Variants in ZCWPW2 observed in about 807,000 individuals in gnomAD.
The protein encoded by ZCWPW2 is zinc finger CW-type and PWWP domain containing 2, also known as zinc finger CW-type PWWP domain protein 2.
In ZCWPW2, 45 loss-of-function variants were observed where a neutral mutation model predicts 46.6. The ratio of observed to expected loss-of-function variants is 0.96; its 90% CI spans 0.76 to 1.24. The LOEUF (loss-of-function observed/expected upper bound fraction) is 1.24, where lower values mean the gene tolerates loss of function less well. Among genes scored for constraint, ZCWPW2 ranks in the 50% most tolerant of loss-of-function variants. The pLI is 0.00. For missense variants in ZCWPW2, 429 were observed against 403.9 expected, an observed-to-expected ratio of 1.06 and a Z score of -0.53; for synonymous variants, 152 against 137.1, an observed-to-expected ratio of 1.11 and a Z score of -0.76.
rs1175592204 is a variant in ZCWPW2, at chr3:28,525,917, A to T, written c.*1229A>T. Among the ~76,000 whole-genome samples the T allele has an allele frequency of 6.6e-6, 1 of 152,140 alleles. No individual in the cohort carries two copies. The highest frequency in any genetic ancestry group is 1.5e-5 in the Non-Finnish European group (1 of 68,016). On this transcript the variant is annotated 3_prime_UTR_variant, in exon 10 of 10. Transcript: ENST00000383768. ...TAAAGCCTATCTGGGTTCATATTTT[A>T]CATACTAGCTTGTCTTAAGTCATAT... is the stretch of plus-strand genomic sequence containing the variant.
chr3:28,359,698 C>T (rs1188432648), intron 1 of ZCWPW2, among the ~76,000 whole-genome samples: 3 of 151,906 alleles, frequency 2.0e-5, no homozygotes, highest in Admixed American at 1.3e-4. Flanking sequence ...AAAACTATAG[C>T]GCAATCAGGA....
chr3:28,373,211 G>GT (rs1415980483), intron 1 of ZCWPW2, among the ~76,000 whole-genome samples: 1 of 152,098 alleles, frequency 6.6e-6, no homozygotes, highest in South Asian at 2.1e-4. Context: ...GTAGTCTTTA[G>GT]TTTTTTGGAG....
Position 28,449,740 on chromosome 3 carries a change from G to A in ZCWPW2, c.492+14471G>A, listed in dbSNP as rs149209032. Among the ~76,000 whole-genome samples, 10 of 152,200 alleles carry A rather than the reference G, an allele frequency of 6.6e-5. No homozygotes were observed. The East Asian group carries it at 1.7e-3, about 26-fold the overall frequency. ...TGTTTTCAGTATTTATATTACTCTA[G>A]TAATTACTCATAGAAATAACCATGA... On this transcript the variant is annotated intron_variant, in intron 4 of 9. Transcript: ENST00000383768.
chr3:28,364,493 G>C (rs926174779), intron 1 of ZCWPW2, among the ~76,000 whole-genome samples: 1 of 151,964 alleles, frequency 6.6e-6, no homozygotes, highest in Non-Finnish European at 1.5e-5. Context: ...GGGATTGCTG[G>C]ATCAAATGGT....
intron 4 of ZCWPW2, among the ~76,000 whole-genome samples, chr3:28,453,837 A>AT (rs1235044218): frequency 2.9e-5 from 4 of 138,806 alleles, no homozygotes; most frequent in African/African-American, 6.0e-5. Context: ...ATTTATTTTT[A>AT]TTTTTTTTAT....
intron 3 of ZCWPW2, among the ~76,000 whole-genome samples, chr3:28,423,710 T>C (rs1312374072): frequency 6.6e-6 from 1 of 152,040 alleles, no homozygotes; most frequent in African/African-American, 2.4e-5. Flanking sequence ...GTTTGCTTCA[T>C]AGGGCCCACA....
At chr3:28,464,317 A>G (rs2125790855) in intron 4 of ZCWPW2, among the ~76,000 whole-genome samples, 1 of 152,208 alleles carries the variant, frequency 6.6e-6, no homozygotes, top group Non-Finnish European at 1.5e-5. Context: ...GGGAAGAGCC[A>G]GGGGTCAGTT....
chr3:28,444,888 A>G (rs1440298208), intron 4 of ZCWPW2, among the ~76,000 whole-genome samples: 4 of 152,138 alleles, frequency 2.6e-5, no homozygotes, highest in Non-Finnish European at 5.9e-5. Flanking sequence ...CTTGCCTCAC[A>G]TGGGCAGTGA....
intron 5 of ZCWPW2, among the ~76,000 whole-genome samples, chr3:28,487,796 A>G (rs1699655188): frequency 6.6e-6 from 1 of 152,146 alleles, no homozygotes. Context: ...TCTCAGTCCT[A>G]GGCTGTAAAC....
chr3:28,503,929 C>G (rs1223350989), intron 6 of ZCWPW2, among the ~76,000 whole-genome samples: 7 of 151,982 alleles, frequency 4.6e-5, no homozygotes, highest in Non-Finnish European at 1.0e-4. Context: ...AGCAGGGTGG[C>G]TCATGCCCAT....
At chr3:28,397,029 T>TGTAATCCCAGCTTCTTGG (rs1201412194) in intron 2 of ZCWPW2, among the ~76,000 whole-genome samples, 1 of 151,574 alleles carries the variant, frequency 6.6e-6, no homozygotes, top group Non-Finnish European at 1.5e-5. Flanking sequence ...CTTGGGAGGC[T>TGTAATCCCAGCTTCTTGG]GAGGCATGAG....
intron 5 of ZCWPW2, among the ~76,000 whole-genome samples, chr3:28,480,684 G>C (rs1699395810): frequency 6.6e-6 from 1 of 152,060 alleles, no homozygotes; most frequent in Admixed American, 6.6e-5. Flanking sequence ...TATTGCCTGA[G>C]TTGTCTTCCA....
rs577142502 is a variant in ZCWPW2, at chr3:28,358,836, A to C, written c.-134+9633A>C. Among the ~76,000 whole-genome samples the C allele has an allele frequency of 1.6e-3, 237 of 151,040 alleles. 1 individual carries two copies. Among genetic ancestry groups the C allele is most frequent in the South Asian group, 3.4e-3 (16 of 4,774 alleles). On this transcript the variant is annotated intron_variant, in intron 1 of 9. Transcript: ENST00000383768. ...GGAGGAGGAATTTATATCTCATTTT[A>C]CCCCCCCCAACAATCCTTTTTCTGA...
At chr3:28,454,133 C>T (rs1050781935) in intron 4 of ZCWPW2, among the ~76,000 whole-genome samples, 1 of 152,062 alleles carries the variant, frequency 6.6e-6, no homozygotes, top group Non-Finnish European at 1.5e-5. Flanking sequence ...CGTGAGCCAC[C>T]GCGCCCGGCC....
chr3:28,414,382 G>A (rs1008624217), intron 3 of ZCWPW2, among the ~76,000 whole-genome samples: 1 of 150,926 alleles, frequency 6.6e-6, no homozygotes, highest in Non-Finnish European at 1.5e-5. Context: ...GGATACATGT[G>A]CAGGTTTGTT....
chr3:28,505,595 A>G (rs1349322615), intron 6 of ZCWPW2, among the ~76,000 whole-genome samples: 1 of 152,160 alleles, frequency 6.6e-6, no homozygotes, highest in African/African-American at 2.4e-5. Context: ...CATCATTTGC[A>G]GTGCTACATG....
At chr3:28,405,467 G>A (rs1425437541) in intron 2 of ZCWPW2, among the ~76,000 whole-genome samples, 1 of 152,016 alleles carries the variant, frequency 6.6e-6, no homozygotes, top group Non-Finnish European at 1.5e-5. Context: ...GTAAACAGAG[G>A]TTTTTGTTTG....
chr3:28,523,550 G>A (rs1019843402), intron 9 of ZCWPW2, among the ~76,000 whole-genome samples: 1 of 152,098 alleles, frequency 6.6e-6, no homozygotes. Flanking sequence ...AAAGTCCTGA[G>A]CATGTTGATT....
intron 6 of ZCWPW2, among the ~76,000 whole-genome samples, chr3:28,494,368 T>C (rs1158597447): frequency 8.3e-6 from 1 of 119,774 alleles, no homozygotes; most frequent in Middle Eastern, 3.9e-3. Flanking sequence ...TTTCTACATA[T>C]GGCTAGCCAG....
Sources: gnomAD v4.1 joint callset for allele counts (sites outside exome capture counted in the v4.1 genomes callset) on GRCh38, gnomAD v4.1.1 for gene constraint, MANE v1.5 for transcripts, NCBI Gene and HGNC (gene_info 2026-07-23, HGNC 2026-07-21) for gene names.